TF: variants seen among roughly 807,000 people sequenced by gnomAD.
The protein encoded by TF is transferrin, also known as serotransferrin.
A neutral mutation model predicts 82.4 loss-of-function variants in TF; 55 were observed. The observed-to-expected ratio is 0.67, with a 90% CI of 0.54 to 0.84. TF has a LOEUF of 0.84. TF is among the 40% of genes least tolerant of loss of function. TF has a pLI of 0.00. For missense variants in TF, 737 were observed against 868.4 expected (o/e 0.85, Z 1.90); for synonymous variants, 332 against 332.6 (o/e 1.00, Z 0.02).
chr3:133,694,199 G>A, the TF span: 1 of 152,968 alleles, frequency 6.5e-6, no homozygotes. Context: ...TGGGGTCCAT[G>A]TCTCTGTGTT....
the TF span, among the ~76,000 whole-genome samples, chr3:133,713,366 A>T: frequency 9.2e-5 from 14 of 152,304 alleles, no homozygotes; most frequent in African/African-American, 2.9e-4. Context: ...TTCCCAGACA[A>T]GGCTTTGTTG....
the TF span, among the ~76,000 whole-genome samples, chr3:133,705,096 G>A: frequency 4.6e-5 from 7 of 152,218 alleles, no homozygotes; most frequent in African/African-American, 1.4e-4. Flanking sequence ...CCAACATGGC[G>A]AAACCCTGTC....
the TF span, among the ~76,000 whole-genome samples, chr3:133,703,174 A>G: frequency 6.6e-6 from 1 of 152,162 alleles, no homozygotes; most frequent in African/African-American, 2.4e-5. Flanking sequence ...AAATGCCTAT[A>G]TTTCTGAGTA....
rs1934914608 is a variant in TF at position 133,794,328 on chromosome 3, A to G, written c.*15708A>G. 6.6e-6 allele frequency: 1 copy of G among 152,232 alleles called. No homozygotes were observed. Among genetic ancestry groups the G allele is most frequent in the South Asian group, 2.1e-4 (1 of 4,834 alleles). The allele number at this position is 152,232 out of a possible 1,614,324, so 9.4% of individuals were successfully genotyped here. ...CAATGTTTGGTCCCATATTCCTGGG[A>G]AAACAATCAAAGCTTCAGGTACATC... On this transcript the variant is annotated 3_prime_UTR_variant, in exon 17 of 17. Transcript: ENST00000402696.
the TF span, among the ~76,000 whole-genome samples, chr3:133,731,964 G>C: frequency 6.0e-4 from 92 of 152,280 alleles, no homozygotes; most frequent in Non-Finnish European, 5.6e-4. Context: ...CAGAGAAAAA[G>C]TCCTGCTAGG....
chr3:133,725,330 A>T, the TF span, among the ~76,000 whole-genome samples: 271 of 152,002 alleles, frequency 1.8e-3, no homozygotes, highest in Non-Finnish European at 3.2e-3. Flanking sequence ...TTTTTATTTC[A>T]TTGAGTAGTG....
chr3:133,736,098 G>A, the TF span, among the ~76,000 whole-genome samples: 1 of 152,208 alleles, frequency 6.6e-6, no homozygotes, highest in South Asian at 2.1e-4. Context: ...CAGACTAACA[G>A]CAGATCTCTC....
chr3:133,697,009 G>A, the TF span, among the ~76,000 whole-genome samples: 1 of 152,138 alleles, frequency 6.6e-6, no homozygotes, highest in Non-Finnish European at 1.5e-5. Flanking sequence ...GCTACTTGAG[G>A]AGAATTTTAG....
chr3:133,726,038 G>A, the TF span, among the ~76,000 whole-genome samples: 2 of 152,172 alleles, frequency 1.3e-5, no homozygotes, highest in African/African-American at 4.8e-5. Flanking sequence ...GCTTTTGGAC[G>A]TGCTGCTGGA....
At chr3:133,678,232 T>C in the TF span, among the ~76,000 whole-genome samples, 2 of 152,252 alleles carry the variant, frequency 1.3e-5, no homozygotes, top group African/African-American at 4.8e-5. Flanking sequence ...GGTATATATG[T>C]GCCACATTTT....
chr3:133,795,602 G>GT lies in TF; in HGVS notation c.*16983dup, dbSNP rs1264194151. 7.6e-6 allele frequency: 1 copy of GT among 131,914 alleles called. No individual in the cohort carries two copies. Among genetic ancestry groups the GT allele is most frequent in the Non-Finnish European group, 1.6e-5 (1 of 64,088 alleles). The allele number at this position is 131,914 out of a possible 1,614,324, so 8.2% of individuals were successfully genotyped here. A position where few individuals can be genotyped will look rare whatever the true frequency, so the allele number is the denominator to read the frequency against. ...TTTTTTTTTTTTTTTTTGAGATGGA[G>GT]TCTCACTCTGTCACCCGGGCTGGAG... On this transcript the variant is annotated 3_prime_UTR_variant, in exon 17 of 17. Coordinates refer to ENST00000402696, the MANE Select transcript of TF (RefSeq NM_001063.4).
chr3:133,670,599 C>T, the TF span, among the ~76,000 whole-genome samples: 1 of 152,160 alleles, frequency 6.6e-6, no homozygotes, highest in Non-Finnish European at 1.5e-5. Context: ...GGAATGATCA[C>T]CTCTGGACTT....
Position 133,794,220 on chromosome 3 carries a change from A to G in TF, c.*15600A>G, listed in dbSNP as rs1405489635. 1 of 152,318 alleles carries G rather than the reference A, an allele frequency of 6.6e-6. No homozygotes were observed. Among genetic ancestry groups the G allele is most frequent in the African/African-American group, 2.4e-5 (1 of 41,582 alleles). The allele number at this position is 152,318 out of a possible 1,614,324, so 9.4% of individuals were successfully genotyped here. On this transcript the variant is annotated 3_prime_UTR_variant, in exon 17 of 17. Coordinates refer to ENST00000402696, the MANE Select transcript of TF (RefSeq NM_001063.4). ...TTTGTTAGTAAAATTTCTGCATTACATGACTCGTCACGGAAAAGATAAAAT... is the reference window on the plus strand; with the variant it reads ...TTTGTTAGTAAAATTTCTGCATTACGTGACTCGTCACGGAAAAGATAAAAT...
chr3:133,739,037 G>A, the TF span, among the ~76,000 whole-genome samples: 6 of 152,130 alleles, frequency 3.9e-5, no homozygotes, highest in African/African-American at 1.4e-4. Flanking sequence ...CAAAGCTGGA[G>A]GCATCACACT....
At chr3:133,732,102 A>G in the TF span, among the ~76,000 whole-genome samples, 2 of 152,138 alleles carry the variant, frequency 1.3e-5, no homozygotes, top group Admixed American at 6.6e-5. Context: ...TTAGAAGGGG[A>G]AGATATTGGT....
intron 14 of TF, chr3:133,775,176 T>C: frequency 1.8e-6 from 1 of 554,348 alleles, no homozygotes; most frequent in Non-Finnish European, 3.2e-6. Flanking sequence ...ATCTGCAGAA[T>C]GTAGTTCATT....
chr3:133,676,163 C>G, the TF span, among the ~76,000 whole-genome samples: 1 of 152,166 alleles, frequency 6.6e-6, no homozygotes, highest in South Asian at 2.1e-4. Flanking sequence ...AAAACTATCA[C>G]CATAGAATGA....
chr3:133,773,807 T>C (rs1427877411), intron 14 of TF: 2 of 152,140 alleles, frequency 1.3e-5, no homozygotes, highest in Non-Finnish European at 2.9e-5. Flanking sequence ...TCATAAGTCC[T>C]CACAAACCCA....
the TF span, among the ~76,000 whole-genome samples, chr3:133,738,364 T>C: frequency 1.3e-5 from 2 of 152,202 alleles, no homozygotes; most frequent in African/African-American, 4.8e-5. Flanking sequence ...TCATACTGAA[T>C]AGGCAAAAGC....
Sources: allele counts gnomAD v4.1 joint callset (sites outside exome capture counted in the v4.1 genomes callset), GRCh38; gene constraint gnomAD v4.1.1; transcripts MANE v1.5; gene names NCBI Gene and HGNC (gene_info 2026-07-23, HGNC 2026-07-21).